RYR3: variants seen among roughly 807,000 people sequenced by gnomAD.
The protein encoded by RYR3 is ryanodine receptor 3.
RYR3 carries 207 observed loss-of-function variants against 584.3 expected under a neutral mutation model. The observed-to-expected ratio is 0.35, with a 90% CI of 0.32 to 0.40. The LOEUF is 0.40. Among genes scored for constraint, RYR3 ranks in the 10% least tolerant of loss-of-function variants. The pLI is 1.00. For synonymous variants in RYR3, 2,416 were observed against 2,248.5 expected (o/e 1.07, Z -2.11); for missense variants, 5,616 against 6,089.2 (o/e 0.92, Z 2.59).
At chr15:33,417,350 G>C (rs1007379079) in intron 1 of RYR3, among the ~76,000 whole-genome samples, 1 of 151,850 alleles carries the variant, frequency 6.6e-6, no homozygotes, top group African/African-American at 2.4e-5. Context: ...TGTTTGTGTT[G>C]CTTATGGTCC....
chr15:33,827,131 C>T (rs778760223), intron 84 of RYR3, 68 bp from the exon 85 acceptor site: 41 of 1,278,446 alleles, frequency 3.2e-5, no homozygotes, highest in Non-Finnish European at 4.5e-5. Flanking sequence ...CTGAGCTCAG[C>T]TGAGAGGGCA....
chr15:33,561,892 C>T (rs1157557762), intron 10 of RYR3, among the ~76,000 whole-genome samples: 6 of 150,264 alleles, frequency 4.0e-5, no homozygotes, highest in Admixed American at 3.3e-4. Context: ...GAGTGAGACC[C>T]TGGGCTCAAA....
At chr15:33,538,765 C>G (rs1357040734) in intron 5 of RYR3, among the ~76,000 whole-genome samples, 2 of 152,174 alleles carry the variant, frequency 1.3e-5, no homozygotes, top group African/African-American at 4.8e-5. Context: ...TTCTTCATCT[C>G]CATTTTCTTA....
intron 3 of RYR3, among the ~76,000 whole-genome samples, chr15:33,511,606 T>TA (rs34769143): frequency 3.1e-3 from 451 of 146,764 alleles, no homozygotes; most frequent in African/African-American, 9.3e-3. Context: ...TCTCTGCAAT[T>TA]AAAAAAAAAA....
At chr15:33,833,573 A>T (rs1482569134) in intron 86 of RYR3, among the ~76,000 whole-genome samples, 5 of 152,244 alleles carry the variant, frequency 3.3e-5, no homozygotes, top group African/African-American at 1.2e-4. Context: ...TAAGGAGATC[A>T]TTGAATATAT....
chr15:33,859,853 A>T, intron 100 of RYR3, 122 bp downstream of exon 100: 2 of 1,114,268 alleles, frequency 1.8e-6, no homozygotes, highest in East Asian at 2.6e-5. Flanking sequence ...TTAATTTAGC[A>T]AGAACTAATT....
intron 38 of RYR3, among the ~76,000 whole-genome samples, chr15:33,672,031 C>G (rs1015845963): frequency 6.6e-6 from 1 of 151,984 alleles, no homozygotes; most frequent in Admixed American, 6.5e-5. Flanking sequence ...CCAGGTTGGT[C>G]TCGAACTTTT....
chr15:33,589,939 G>A (rs921583055), intron 16 of RYR3, among the ~76,000 whole-genome samples: 2 of 152,190 alleles, frequency 1.3e-5, no homozygotes, highest in Non-Finnish European at 2.9e-5. Flanking sequence ...CAGGCTTTGT[G>A]TGAGCAACAA....
chr15:33,771,980 T>C lies in RYR3; in HGVS notation c.8877T>C (p.Asn2959=), dbSNP rs953716326. The part of the protein sequence containing the change: ...VKAGLRAFFE[N]AAEDLEKTSE... ...CTGGGTTACGAGCATTCTTTGAAAA[T>C]GCTGCAGAAGATTTGGAGAAGACTT... The change falls in exon 63 of 104, where the codon AAT becomes AAC. Residue 2959 remains asparagine (N), a synonymous_variant. Transcript: ENST00000634891. 6.2e-7 allele frequency: 1 copy of C among 1,613,530 alleles called. No homozygotes were observed. Among genetic ancestry groups the C allele is most frequent in the Non-Finnish European group, 8.5e-7 (1 of 1,179,804 alleles).
At chr15:33,799,420 G>T (rs1322239591) in intron 67 of RYR3, among the ~76,000 whole-genome samples, 1 of 150,942 alleles carries the variant, frequency 6.6e-6, no homozygotes, top group Admixed American at 6.6e-5. Context: ...CACCAATCAT[G>T]CCTATATAAT....
intron 1 of RYR3, among the ~76,000 whole-genome samples, chr15:33,448,961 G>A (rs534631308): frequency 3.3e-5 from 5 of 152,300 alleles, no homozygotes; most frequent in Admixed American, 2.6e-4. Flanking sequence ...TGCCACAAAC[G>A]TCAGGTATTT....
At chr15:33,702,302 A>G (rs2066362204) in intron 42 of RYR3, among the ~76,000 whole-genome samples, 2 of 152,198 alleles carry the variant, frequency 1.3e-5, no homozygotes, top group African/African-American at 4.8e-5. Context: ...ATATTTTAGA[A>G]AACACCCCAG....
At chr15:33,351,047 A>G (rs1025481582) in intron 1 of RYR3, among the ~76,000 whole-genome samples, 2 of 152,094 alleles carry the variant, frequency 1.3e-5, no homozygotes, top group Non-Finnish European at 2.9e-5. Context: ...AGAAGAATCA[A>G]ATAGATGCAA....
In RYR3 at chr15:33,503,667, C is replaced by A. The variant is rs766554588; in HGVS notation, c.208C>A (p.Leu70Met). 3 of 1,612,910 alleles carry A rather than the reference C, an allele frequency of 1.9e-6. No individual in the cohort carries two copies. The highest frequency in any genetic ancestry group is 1.7e-5 in the Admixed American group (1 of 59,958). ...PPDLCVCNFV[L>M]EQSLSVRALQ... ...AGATCTCTGCGTCTGCAATTTTGTG[C>A]TGGAACAGTCCCTATCTGTCAGAGC... is the stretch of plus-strand genomic sequence containing the variant. Residue 70 changes from leucine to methionine, a missense_variant, in exon 3 of 104, where the codon CTG becomes ATG. By Grantham distance (15) the Leu-to-Met change is conservative (BLOSUM62 2). This residue lies in a region of RYR3 where 1,284 missense variants were observed against 1,344.6 expected (regional missense o/e 0.95). Transcript: ENST00000634891.
chr15:33,646,363 G>A lies in RYR3; in HGVS notation c.3778G>A (p.Asp1260Asn), dbSNP rs1297303759. The A allele has an allele frequency of 6.2e-7, 1 of 1,607,730 alleles. No homozygotes were observed. The highest frequency in any genetic ancestry group is 8.5e-7 in the Non-Finnish European group (1 of 1,175,508). ...DHPHIEVMRIDGTMDSPPCLK... is the reference protein window; with the variant it reads ...DHPHIEVMRINGTMDSPPCLK... The stretch of plus-strand genomic sequence containing the variant: ...GTCCTGTTTCCAGGTCATGAGGATT[G>A]ATGGCACCATGGACAGCCCTCCGTG... Residue 1260 changes from aspartate to asparagine, a missense_variant, in exon 29 of 104, where the codon GAT becomes AAT. Asp to Asn is a conservative substitution (Grantham distance 23). This residue lies in a region of RYR3 where 753 missense variants were observed against 741.0 expected (regional missense o/e 1.02). Transcript: ENST00000634891.
intron 60 of RYR3, among the ~76,000 whole-genome samples, chr15:33,759,414 A>G (rs1442256116): frequency 6.6e-6 from 1 of 152,220 alleles, no homozygotes; most frequent in Admixed American, 6.5e-5. Flanking sequence ...ACTTAGAGGA[A>G]TTGCTAACTA....
chr15:33,533,457 C>T, intron 5 of RYR3, 68 bp downstream of exon 5: 1 of 1,077,472 alleles, frequency 9.3e-7, no homozygotes, highest in Non-Finnish European at 1.4e-6. Context: ...TTGAGAAGGA[C>T]CCTGAATGCG....
chr15:33,740,377 C>T (rs1327604903), intron 51 of RYR3, among the ~76,000 whole-genome samples: 1 of 152,164 alleles, frequency 6.6e-6, no homozygotes, highest in African/African-American at 2.4e-5. Context: ...TCATACATCA[C>T]AACAGCTCCA....
chr15:33,569,283 TACATC>T (rs763189744), intron 12 of RYR3, among the ~76,000 whole-genome samples: 8 of 152,208 alleles, frequency 5.3e-5, no homozygotes, highest in Non-Finnish European at 1.0e-4. Flanking sequence ...TGGTAAAATA[TACATC>T]ACATAAAACT....
Sources: gnomAD v4.1 joint callset for allele counts (sites outside exome capture counted in the v4.1 genomes callset) on GRCh38, gnomAD v4.1.1 for gene constraint, gnomAD v4.1.1 regional missense constraint, MANE v1.5 for transcripts, NCBI Gene and HGNC (gene_info 2026-07-23, HGNC 2026-07-21) for gene names.